Variants in SLAIN2 observed in about 807,000 individuals in gnomAD.
SLAIN2 encodes SLAIN motif-containing protein 2.
Under a neutral mutation model 56.6 loss-of-function variants are expected in SLAIN2, and 31 were observed. The observed-to-expected ratio is 0.55, with a 90% confidence interval of 0.41 to 0.74. SLAIN2 has a LOEUF of 0.74. Among genes scored for constraint, SLAIN2 ranks in the 30% least tolerant of loss-of-function variants. The pLI is 0.00. For missense variants in SLAIN2, 777 were observed against 754.2 expected, an observed-to-expected ratio of 1.03 and a Z score of -0.35; for synonymous variants, 317 against 284.9, an observed-to-expected ratio of 1.11 and a Z score of -1.13.
At chr4:48,411,062 C>T (rs1476575540) in intron 6 of SLAIN2, among the ~76,000 whole-genome samples, 1 of 151,942 alleles carries the variant, frequency 6.6e-6, no homozygotes, top group African/African-American at 2.4e-5. Context: ...AATTGTGTTT[C>T]GTTGGTGTTT....
chr4:48,342,049 G>T lies in SLAIN2; in HGVS notation c.310G>T (p.Gly104Cys), dbSNP rs1714724689. The T allele has an allele frequency of 2.2e-6, 3 of 1,392,638 alleles. No individual in the cohort carries two copies. The highest frequency in any genetic ancestry group is 1.9e-6 in the Non-Finnish European group (2 of 1,080,964). 86.3% of individuals were successfully genotyped at this position (1,392,638 alleles called of 1,614,324 possible). A position where few individuals can be genotyped will look rare whatever the true frequency, so the allele number is the denominator to read the frequency against. ...ATSLLAAGEG[G>C]LLDEVEPLRP... is the part of the protein sequence containing the mutation. ...CTCCTTGCTAGCGGCGGGCGAGGGC[G>T]GCTTGCTGGACGAGGTGGAGCCGCT... Residue 104 changes from glycine to cysteine, a missense_variant, in exon 1 of 8, where the codon GGC (glycine) becomes TGC (cysteine). Physicochemically the swap from Gly to Cys is radical, Grantham distance 159 (BLOSUM62 -3). Coordinates refer to ENST00000264313, the MANE Select transcript of SLAIN2 (RefSeq NM_020846.2).
chr4:48,374,006 C>G (rs562054759), intron 2 of SLAIN2, among the ~76,000 whole-genome samples: 1 of 152,092 alleles, frequency 6.6e-6, no homozygotes, highest in Non-Finnish European at 1.5e-5. Flanking sequence ...CCATTGCTCT[C>G]CAGCCTGGGC....
At chr4:48,350,039 C>A (rs957743751) in intron 1 of SLAIN2, among the ~76,000 whole-genome samples, 1 of 152,170 alleles carries the variant, frequency 6.6e-6, no homozygotes, top group Non-Finnish European at 1.5e-5. Flanking sequence ...ATGTTCTTAA[C>A]TTTACACTTA....
intron 2 of SLAIN2, among the ~76,000 whole-genome samples, chr4:48,370,729 G>A (rs577873844): frequency 3.3e-5 from 5 of 152,276 alleles, no homozygotes; most frequent in Admixed American, 6.5e-5. Context: ...ATTTCTTCTT[G>A]TATTTCTCTC....
intron 6 of SLAIN2, among the ~76,000 whole-genome samples, chr4:48,384,320 C>T (rs1716047789): frequency 3.9e-5 from 6 of 152,212 alleles, no homozygotes; most frequent in Admixed American, 3.9e-4. Context: ...ACCAGGAGAA[C>T]TCTTGGATGA....
chr4:48,395,272 AAAAC>A (rs775616191), intron 6 of SLAIN2, among the ~76,000 whole-genome samples: 4 of 152,192 alleles, frequency 2.6e-5, no homozygotes, highest in African/African-American at 9.7e-5. Flanking sequence ...AACAGTAATA[AAAAC>A]AAACAGAGGC....
chr4:48,422,478 A>T lies in SLAIN2; in HGVS notation c.*401A>T, dbSNP rs1560468358. 1 of 174,130 alleles carries T rather than the reference A, an allele frequency of 5.7e-6. No homozygotes were observed. The highest frequency in any genetic ancestry group is 1.2e-5 in the Non-Finnish European group (1 of 81,140). 10.8% of individuals were successfully genotyped at this position (174,130 alleles called of 1,614,324 possible). The stretch of plus-strand genomic sequence containing the variant: ...TCAGGCTATCCAAAACTTCACATTC[A>T]ACCTAATTTACTGTATAAATAGTAT... On this transcript the variant is annotated 3_prime_UTR_variant, in exon 8 of 8. Coordinates refer to ENST00000264313, the MANE Select transcript of SLAIN2 (RefSeq NM_020846.2).
intron 2 of SLAIN2, among the ~76,000 whole-genome samples, chr4:48,377,379 A>G (rs1715849169): frequency 7.2e-6 from 1 of 139,764 alleles, no homozygotes. Flanking sequence ...GGGTTTCACC[A>G]TGTTGGCCAA....
intron 6 of SLAIN2, among the ~76,000 whole-genome samples, chr4:48,385,712 C>T (rs556690031): frequency 1.3e-5 from 2 of 150,872 alleles, no homozygotes; most frequent in South Asian, 2.1e-4. Flanking sequence ...TGGCTCACTG[C>T]GGCCTCACCT....
intron 6 of SLAIN2, among the ~76,000 whole-genome samples, chr4:48,396,573 C>T (rs1409063093): frequency 2.0e-5 from 3 of 152,146 alleles, no homozygotes; most frequent in Admixed American, 6.5e-5. Flanking sequence ...CATTGACTGG[C>T]AGGAGCCTCT....
At chr4:48,369,736 A>G in intron 1 of SLAIN2, 113 bp from the exon 2 acceptor site, 2 of 871,624 alleles carry the variant, frequency 2.3e-6, no homozygotes, top group African/African-American at 1.7e-5. Context: ...TTTAAAATAT[A>G]CTCCATGACT....
chr4:48,349,611 T>C (rs1388349297), intron 1 of SLAIN2, among the ~76,000 whole-genome samples: 2 of 152,242 alleles, frequency 1.3e-5, no homozygotes, highest in Non-Finnish European at 2.9e-5. Flanking sequence ...CTTTTTGTGA[T>C]TTCCAAGTTT....
intron 6 of SLAIN2, among the ~76,000 whole-genome samples, chr4:48,411,030 C>T (rs1235687866): frequency 2.0e-5 from 3 of 152,128 alleles, no homozygotes; most frequent in African/African-American, 4.8e-5. Flanking sequence ...GCTTAGGACC[C>T]CTGACCGTGA....
Position 48,424,767 on chromosome 4 carries a change from A to T in SLAIN2, c.*2690A>T, listed in dbSNP as rs544217126. The T allele has an allele frequency of 2.6e-4, 35 of 132,954 alleles. No homozygotes were observed. The highest frequency in any genetic ancestry group is 8.1e-4 in the African/African-American group (30 of 37,064). The allele number at this position is 132,954 out of a possible 1,614,324, so 8.2% of individuals were successfully genotyped here. A position where few individuals can be genotyped will look rare whatever the true frequency, so the allele number is the denominator to read the frequency against. ...AATTATCTCAATACATCACTTTTAT[A>T]AAAAAAAAAAGTTTTTTTGAAAGAA... On this transcript the variant is annotated 3_prime_UTR_variant, in exon 8 of 8. Transcript: ENST00000264313.
intron 6 of SLAIN2, among the ~76,000 whole-genome samples, chr4:48,408,335 A>C (rs1387460861): frequency 2.0e-5 from 3 of 151,958 alleles, no homozygotes; most frequent in Non-Finnish European, 4.4e-5. Context: ...ATCTCAAAAA[A>C]TCTAAAACGA....
Position 48,355,505 on chromosome 4 carries a change from T to G in SLAIN2, c.389+13377T>G, listed in dbSNP as rs1183641426. On this transcript the variant is annotated intron_variant, in intron 1 of 7. Coordinates refer to ENST00000264313, the MANE Select transcript of SLAIN2 (RefSeq NM_020846.2). The stretch of plus-strand genomic sequence containing the variant: ...CTTCCCCCCAAGTGTATTTTGTGCT[T>G]TCTGATCATCTCAGAATACAGTATA... 3.3e-5 allele frequency among the ~76,000 whole-genome samples: 5 copies of G among 152,310 alleles called. No homozygotes were observed. In the East Asian group the frequency reaches 9.6e-4, roughly 29 times the overall value.
At chr4:48,358,712 T>G (rs1460146159) in intron 1 of SLAIN2, among the ~76,000 whole-genome samples, 1 of 148,110 alleles carries the variant, frequency 6.8e-6, no homozygotes, top group Non-Finnish European at 1.5e-5. Context: ...ATACTTGTAT[T>G]TTTTTATTTA....
chr4:48,378,956 G>C (rs1365751138), intron 3 of SLAIN2, among the ~76,000 whole-genome samples: 1 of 152,048 alleles, frequency 6.6e-6, no homozygotes, highest in African/African-American at 2.4e-5. Context: ...TGACTGTTAT[G>C]GTGAAGAATT....
At chr4:48,401,398 T>TGAGA (rs1716552697) in intron 6 of SLAIN2, among the ~76,000 whole-genome samples, 1 of 152,224 alleles carries the variant, frequency 6.6e-6, no homozygotes, top group Non-Finnish European at 1.5e-5. Context: ...ACTATTATTG[T>TGAGA]GTGGGAGTCT....
Sources: gnomAD v4.1 joint callset for allele counts (sites outside exome capture counted in the v4.1 genomes callset) on GRCh38, gnomAD v4.1.1 for gene constraint, MANE v1.5 for transcripts, NCBI Gene and HGNC (gene_info 2026-07-23, HGNC 2026-07-21) for gene names.